The following TET3 variants were observed in gnomAD, a reference collection of about 807,000 sequenced individuals.
TET3 encodes the protein tet methylcytosine dioxygenase 3.
A neutral mutation model predicts 141.4 loss-of-function variants in TET3; 19 were observed. The observed-to-expected ratio is 0.13, with a 90% CI of 0.09 to 0.20. TET3 has a LOEUF of 0.20. Among genes scored for constraint, TET3 ranks in the 10% least tolerant of loss-of-function variants. The probability of loss-of-function intolerance (pLI) is 1.00; values close to 1 mark genes in which losing one functional copy is unlikely to be tolerated. For missense variants in TET3, 1,874 were observed against 2,356.9 expected (o/e 0.80, Z 4.24); for synonymous variants, 1,043 against 980.9 (o/e 1.06, Z -1.18).
At position 74,044,159 on chromosome 2, in the gene TET3, A is replaced by G. The variant is rs564397581; in HGVS notation, c.361-2119A>G. Among the ~76,000 whole-genome samples the G allele has an allele frequency of 7.2e-5, 11 of 152,276 alleles. No individual in the cohort carries two copies. The South Asian group carries it at 2.3e-3, about 32-fold the overall frequency. On this transcript the variant is annotated intron_variant, in intron 3 of 11. Transcript: ENST00000409262. ...CAGGAGTTCAAGGCTGCAGTGAACT[A>G]TGATCATGCCACTGAACTCCAGCCT...
chr2:74,092,304 GA>G lies in TET3; in HGVS notation c.3040-587del, dbSNP rs367675940. Among the ~76,000 whole-genome samples the G allele has an allele frequency of 4.9e-3, 716 of 146,780 alleles. 2 individuals are homozygous for G. The highest frequency in any genetic ancestry group is 0.01 in the South Asian group (47 of 4,660). On this transcript the variant is annotated intron_variant, in intron 8 of 11. Coordinates refer to ENST00000409262, the MANE Select transcript of TET3 (RefSeq NM_001287491.2). ...TGACAGAGTGAGCCTCTGTCTCAAA[GA>G]AAAAAAAAAATTAGAATTCATCTGT...
chr2:74,032,880 A>C (rs1686829533), intron 3 of TET3, among the ~76,000 whole-genome samples: 1 of 151,654 alleles, frequency 6.6e-6, no homozygotes, highest in South Asian at 2.1e-4. Flanking sequence ...CTGGTCCGAG[A>C]ACAGCAAGTT....
chr2:74,119,400 A>G, the TET3 span, among the ~76,000 whole-genome samples: 1 of 151,962 alleles, frequency 6.6e-6, no homozygotes, highest in Non-Finnish European at 1.5e-5. Context: ...AACTCAAGTC[A>G]ATTGCTTTGC....
the TET3 span, chr2:74,134,556 G>A: frequency 3.7e-5 from 14 of 378,052 alleles, no homozygotes; most frequent in South Asian, 9.5e-5. Flanking sequence ...TCTGGTGGTC[G>A]GTTCCATGAA....
At chr2:74,109,317 G>A (rs529715542), downstream of TET3, among the ~76,000 whole-genome samples, 24 of 146,270 alleles carry the variant, frequency 1.6e-4, no homozygotes, top group Non-Finnish European at 2.8e-4. Flanking sequence ...ATCCCACCAC[G>A]AGAGAACCGC....
At chr2:74,124,188 G>A in the TET3 span, among the ~76,000 whole-genome samples, 15 of 147,040 alleles carry the variant, frequency 1.0e-4, no homozygotes, top group Admixed American at 3.3e-4. Context: ...GCCCCCGCCC[G>A]GCCAGCCACC....
Position 74,106,846 on chromosome 2 carries a change from C to CCCAGATTT in TET3, c.*4670_*4671insCCAGATTT, listed in dbSNP as rs1378066228. The CCCAGATTT allele has an allele frequency of 6.6e-6, 1 of 152,364 alleles. No homozygotes were observed. The highest frequency in any genetic ancestry group is 1.5e-5 in the Non-Finnish European group (1 of 68,022). The allele number at this position is 152,364 out of a possible 1,614,324, so 9.4% of individuals were successfully genotyped here. A position where few individuals can be genotyped will look rare whatever the true frequency, so the allele number is the denominator to read the frequency against. ...TTGTCCGTCTGATGACATACTTGAC[C>CCCAGATTT]TTGAAAAATCTGGGGTCATTTTGTT... On this transcript the variant is annotated 3_prime_UTR_variant, in exon 12 of 12. Transcript: ENST00000409262.
chr2:74,109,593 C>T (rs574500305), downstream of TET3, among the ~76,000 whole-genome samples: 21 of 151,934 alleles, frequency 1.4e-4, no homozygotes, highest in African/African-American at 5.1e-4. Flanking sequence ...ATGTAAATCC[C>T]ACTCAGTCTA....
the TET3 span, among the ~76,000 whole-genome samples, chr2:74,119,553 A>C: frequency 2.0e-5 from 3 of 152,150 alleles, no homozygotes; most frequent in African/African-American, 7.2e-5. Flanking sequence ...ATTACTGGAA[A>C]TGCTAAGTTT....
rs1389577431 is a variant in TET3 at position 74,099,391 on chromosome 2, A to C, written c.3383A>C (p.Glu1128Ala). The C allele has an allele frequency of 6.2e-7, 1 of 1,614,042 alleles. No homozygotes were observed. The highest frequency in any genetic ancestry group is 2.2e-5 in the East Asian group (1 of 44,884). ...MANTDEFGSE[E>A]NQNAKVGSGA... ...AACACGGATGAGTTTGGTAGCGAGGAGAACCAGAATGCAAAGGTGGGCAGC... is the reference window on the plus strand; with the variant it reads ...AACACGGATGAGTTTGGTAGCGAGGCGAACCAGAATGCAAAGGTGGGCAGC... Residue 1128 changes from glutamate (E) to alanine (A), a missense_variant, in exon 11 of 12, where the codon GAG (glutamate) becomes GCG (alanine). By Grantham distance (107) the Glu-to-Ala change is moderately radical. This residue lies in a region of TET3 where 53 missense variants were observed against 112.8 expected (regional missense o/e 0.47). Coordinates refer to ENST00000409262, the MANE Select transcript of TET3 (RefSeq NM_001287491.2).
intron 5 of TET3, 54 bp downstream of exon 5, chr2:74,073,693 G>A (rs749433028): frequency 1.3e-5 from 18 of 1,415,338 alleles, no homozygotes; most frequent in South Asian, 3.9e-5. Context: ...AATGGAATAC[G>A]GATATTAAGC....
At chr2:74,065,650 CT>C (rs1558762938) in intron 4 of TET3, among the ~76,000 whole-genome samples, 55 of 149,994 alleles carry the variant, frequency 3.7e-4, no homozygotes, top group African/African-American at 1.3e-3. Context: ...CTTTCTCTCT[CT>C]TCTTTTCTTT....
chr2:74,058,539 T>TTGGTCA (rs1688331510), intron 4 of TET3, among the ~76,000 whole-genome samples: 1 of 151,594 alleles, frequency 6.6e-6, no homozygotes. Context: ...AAAAAAAAAG[T>TTGGTCA]TGGTCACCTA....
intron 10 of TET3, among the ~76,000 whole-genome samples, chr2:74,097,112 G>GA (rs750552013): frequency 1.6e-3 from 76 of 47,882 alleles, no homozygotes; most frequent in East Asian, 2.1e-3. Flanking sequence ...AGAAGAAAAA[G>GA]AAAAAAAAAA....
chr2:74,124,929 A>G, the TET3 span, among the ~76,000 whole-genome samples: 1,577 of 129,116 alleles, frequency 0.012, 48 homozygotes, highest in Admixed American at 0.061. Context: ...AATAAATACT[A>G]AAAAAAAAAA....
At position 74,046,146 on chromosome 2, in the gene TET3, A is replaced by C; in HGVS notation, c.361-132A>C. 1 of 724,836 alleles carries C rather than the reference A, an allele frequency of 1.4e-6. No individual in the cohort carries two copies. The allele number at this position is 724,836 out of a possible 1,614,324, so 44.9% of individuals were successfully genotyped here. Reference sequence around the variant, plus strand: ...ACATGGGAAGATGAATTGGAGGCTCAAGAAGTACCAGAGAGAGGATTTGCA... The same window carrying C: ...ACATGGGAAGATGAATTGGAGGCTCCAGAAGTACCAGAGAGAGGATTTGCA... On this transcript the variant is annotated intron_variant, in intron 3 of 11. Transcript: ENST00000409262. This position sits in a 1 kb window ranked among gnomAD's most constrained non-coding sequence, Gnocchi z 4.3.
At chr2:74,040,312 G>A (rs1454756006) in intron 3 of TET3, among the ~76,000 whole-genome samples, 1 of 152,104 alleles carries the variant, frequency 6.6e-6, no homozygotes, top group Admixed American at 6.5e-5. Context: ...CCGACTGTCA[G>A]GTGAGACAAT....
At chr2:74,064,949 A>G (rs1244882339) in intron 4 of TET3, among the ~76,000 whole-genome samples, 1 of 152,220 alleles carries the variant, frequency 6.6e-6, no homozygotes, top group Admixed American at 6.5e-5. Flanking sequence ...CAGGTTTTCA[A>G]CCACACTGGG....
chr2:74,111,674 G>A (rs950726843), downstream of TET3, among the ~76,000 whole-genome samples: 1 of 152,226 alleles, frequency 6.6e-6, no homozygotes, highest in Non-Finnish European at 1.5e-5. Flanking sequence ...ACCCAGGGCA[G>A]AGGCCTCTCA....
Sources: gnomAD v4.1 joint callset for allele counts (sites outside exome capture counted in the v4.1 genomes callset) on GRCh38, gnomAD v4.1.1 for gene constraint, gnomAD v4.1.1 regional missense constraint, Gnocchi (gnomAD v3.1) non-coding constraint, MANE v1.5 for transcripts, NCBI Gene and HGNC (gene_info 2026-07-23, HGNC 2026-07-21) for gene names.